NR2C2: variants seen among roughly 807,000 people sequenced by gnomAD.
NR2C2 encodes the protein nuclear receptor subfamily 2 group C member 2.
A neutral mutation model predicts 62.9 loss-of-function variants in NR2C2; 6 were observed. That is an observed-to-expected ratio of 0.10 (90% confidence interval 0.05 to 0.19). The LOEUF is 0.19. Ranked by LOEUF, NR2C2 falls within the 10% of genes least tolerant of loss-of-function variation. The pLI, the probability that NR2C2 is intolerant of heterozygous loss-of-function variation, is 1.00. For synonymous variants in NR2C2, 272 were observed against 273.8 expected, an observed-to-expected ratio of 0.99 and a Z score of 0.07; for missense variants, 479 against 762.7, an observed-to-expected ratio of 0.63 and a Z score of 4.38.
At chr3:14,985,270 T>C (rs976939014) in intron 1 of NR2C2, among the ~76,000 whole-genome samples, 1 of 152,120 alleles carries the variant, frequency 6.6e-6, no homozygotes, top group African/African-American at 2.4e-5. Flanking sequence ...TCTTGAAGAA[T>C]AGATTTTTTT....
intron 1 of NR2C2, chr3:14,948,814 T>G (rs2039241430): frequency 6.6e-6 from 1 of 152,252 alleles, no homozygotes; most frequent in Non-Finnish European, 1.5e-5. Context: ...TGCTCGTTAT[T>G]TCGCAGCGGC....
chr3:15,026,587 T>C (rs1270214673), intron 7 of NR2C2: 4 of 152,248 alleles, frequency 2.6e-5, no homozygotes, highest in African/African-American at 7.2e-5. Flanking sequence ...AAGGAAATCA[T>C]ACAATATATG....
At chr3:14,981,196 A>G (rs971162977) in intron 1 of NR2C2, among the ~76,000 whole-genome samples, 3 of 152,188 alleles carry the variant, frequency 2.0e-5, no homozygotes, top group African/African-American at 4.8e-5. Flanking sequence ...ACAGGGTGCA[A>G]TGGCTCACAC....
At chr3:15,000,373 T>C (rs1409868234) in intron 1 of NR2C2, among the ~76,000 whole-genome samples, 1 of 152,224 alleles carries the variant, frequency 6.6e-6, no homozygotes, top group Non-Finnish European at 1.5e-5. Flanking sequence ...CTGAATAGTA[T>C]TCCATTGTGT....
At chr3:15,016,043 C>A (rs2041501626) in intron 3 of NR2C2, 109 bp from the exon 4 acceptor site, 1 of 762,196 alleles carries the variant, frequency 1.3e-6, no homozygotes, top group Non-Finnish European at 2.3e-6. Flanking sequence ...CTCAAGTGAT[C>A]CACCCACCTC....
intron 1 of NR2C2, among the ~76,000 whole-genome samples, chr3:14,993,652 C>T (rs954741435): frequency 6.6e-6 from 1 of 150,708 alleles, no homozygotes; most frequent in Non-Finnish European, 1.5e-5. Flanking sequence ...CTAATGGCTT[C>T]AGGAGTAGGG....
intron 1 of NR2C2, among the ~76,000 whole-genome samples, chr3:14,972,959 C>T (rs1441619644): frequency 2.0e-5 from 3 of 152,156 alleles, no homozygotes; most frequent in African/African-American, 4.8e-5. Context: ...GATCCGATCA[C>T]CTCCCATCAG....
At chr3:15,012,711 T>C (rs1307607216) in intron 2 of NR2C2, among the ~76,000 whole-genome samples, 2 of 152,204 alleles carry the variant, frequency 1.3e-5, no homozygotes, top group Non-Finnish European at 1.5e-5. Flanking sequence ...GCAGTGCTGC[T>C]AGCCAGGAAC....
intron 9 of NR2C2, among the ~76,000 whole-genome samples, chr3:15,031,089 G>T (rs920621818): frequency 2.6e-5 from 4 of 152,144 alleles, no homozygotes; most frequent in Admixed American, 6.5e-5. Flanking sequence ...GTGACTGCCT[G>T]GCTGCCCCAT....
chr3:14,994,772 A>G (rs2040776628), intron 1 of NR2C2, among the ~76,000 whole-genome samples: 1 of 142,646 alleles, frequency 7.0e-6, no homozygotes, highest in African/African-American at 2.6e-5. Context: ...AAAAAAAGCC[A>G]GCTGTGGTGG....
intron 1 of NR2C2, among the ~76,000 whole-genome samples, chr3:14,980,066 C>T (rs1419179014): frequency 6.6e-6 from 1 of 151,986 alleles, no homozygotes; most frequent in Non-Finnish European, 1.5e-5. Context: ...CTTAGGTGGC[C>T]ATATTATATA....
At chr3:14,957,533 T>C (rs79596178) in intron 1 of NR2C2, among the ~76,000 whole-genome samples, 6,230 of 152,296 alleles carry the variant, frequency 0.041, 438 homozygotes, top group African/African-American at 0.14. Context: ...ACCTGTCACA[T>C]AAGGCCAACC....
chr3:14,975,122 T>C lies in NR2C2; in HGVS notation c.-40+27216T>C, dbSNP rs1016079540. On this transcript the variant is annotated intron_variant, in intron 1 of 13. Coordinates refer to ENST00000425241, the MANE Select transcript of NR2C2 (RefSeq NM_001291694.2). ...TGCTGAATTTGTTTTATTCTAAAAG[T>C]TTTTTGGTCATCTTTAGAGTTGTAC... 2.6e-5 allele frequency among the ~76,000 whole-genome samples: 4 copies of C among 152,180 alleles called. No individual in the cohort carries two copies. The South Asian group carries it at 8.3e-4, about 31-fold the overall frequency.
intron 7 of NR2C2, chr3:15,026,127 T>G (rs2041816912): frequency 6.6e-6 from 1 of 152,276 alleles, no homozygotes; most frequent in Non-Finnish European, 1.5e-5. Flanking sequence ...CAAGCAATCT[T>G]CTTACCTCAG....
chr3:15,021,691 T>C (rs1297267987), intron 5 of NR2C2, among the ~76,000 whole-genome samples: 1 of 152,140 alleles, frequency 6.6e-6, no homozygotes, highest in Non-Finnish European at 1.5e-5. Context: ...GCAACTTGCA[T>C]GGCAAGGCTG....
intron 1 of NR2C2, among the ~76,000 whole-genome samples, chr3:14,958,907 CGGA>C (rs1227746845): frequency 1.3e-5 from 2 of 152,162 alleles, no homozygotes; most frequent in African/African-American, 4.8e-5. Flanking sequence ...ACCAGGGAGT[CGGA>C]GGTTGCAGTG....
At chr3:15,008,389 G>T (rs1303491047) in intron 2 of NR2C2, among the ~76,000 whole-genome samples, 13 of 151,892 alleles carry the variant, frequency 8.6e-5, no homozygotes, top group African/African-American at 2.4e-4. Context: ...AGGCGTGCTG[G>T]CACGAGCCTG....
chr3:15,004,556 G>C, intron 2 of NR2C2: 3 of 1,610,724 alleles, frequency 1.9e-6, no homozygotes, highest in Non-Finnish European at 2.5e-6. Context: ...GTCTTCCCTA[G>C]GGCTCTGAAC....
intron 1 of NR2C2, among the ~76,000 whole-genome samples, chr3:14,994,439 C>CTTTTTTT (rs4038325): frequency 3.7e-4 from 33 of 89,608 alleles, no homozygotes; most frequent in African/African-American, 6.4e-4. Context: ...TTTATTCATT[C>CTTTTTTT]TTTTTTTTTT....
Sources: allele counts gnomAD v4.1 joint callset (sites outside exome capture counted in the v4.1 genomes callset), GRCh38; gene constraint gnomAD v4.1.1; transcripts MANE v1.5; gene names NCBI Gene and HGNC (gene_info 2026-07-23, HGNC 2026-07-21).